GPN2: variants seen among roughly 807,000 people sequenced by gnomAD.
GPN2 encodes ATP-binding domain 1 family member B.
A neutral mutation model predicts 30.1 loss-of-function variants in GPN2; 27 were observed. The ratio of observed to expected loss-of-function variants is 0.90; its 90% CI spans 0.66 to 1.24. GPN2 has a LOEUF of 1.24. GPN2 is among the 50% of genes most tolerant of loss of function. The pLI, the probability that GPN2 is intolerant of heterozygous loss-of-function variation, is 0.00. For synonymous variants in GPN2, 212 were observed against 174.4 expected (o/e 1.22, Z -1.70); for missense variants, 406 against 405.4 (o/e 1.00, Z -0.01).
At chr1:26,884,463 A>G (rs886804433) in intron 3 of GPN2, 173 bp from the exon 4 acceptor site, 1 of 194,646 alleles carries the variant, frequency 5.1e-6, no homozygotes, top group African/African-American at 2.4e-5. Flanking sequence ...CTGACCACCA[A>G]CTCACTCAGA....
rs777339037 is a variant in GPN2, at chr1:26,884,190, G to A, written c.830C>T (p.Ala277Val). 3.4e-5 allele frequency: 55 copies of A among 1,613,732 alleles called. No homozygotes were observed. Among genetic ancestry groups the A allele is most frequent in the Non-Finnish European group, 4.5e-5 (53 of 1,179,916 alleles). ...EQRSLEAMMS[A>V]AMGADFHFSS... ...GAAATGGAAGTCGGCTCCCATTGCGGCAGACATCATGGCTTCCAAGCTTCG... is the reference window on the plus strand; with the variant it reads ...GAAATGGAAGTCGGCTCCCATTGCGACAGACATCATGGCTTCCAAGCTTCG... Residue 277 changes from alanine to valine, a missense_variant, in exon 4 of 5, where the codon GCC becomes GTC. Coordinates refer to ENST00000374135, the MANE Select transcript of GPN2 (RefSeq NM_018066.4).
rs140713115 is a variant in GPN2, at chr1:26,886,230, C to T, written c.569-97G>A. ...CTTTTTTCCTTTGTGCACTCATGCA[C>T]TCAAATATTTCTTGACACAGTAAAA... On this transcript the variant is annotated intron_variant, in intron 2 of 4. Coordinates refer to ENST00000374135, the MANE Select transcript of GPN2 (RefSeq NM_018066.4). 2.4e-4 allele frequency: 184 copies of T among 753,088 alleles called. 2 individuals are homozygous for T. Among genetic ancestry groups the T allele is most frequent in the East Asian group, 2.4e-3 (89 of 37,428 alleles). The allele number at this position is 753,088 out of a possible 1,614,324, so 46.7% of individuals were successfully genotyped here.
At chr1:26,882,560 C>T (rs1358766133) in intron 4 of GPN2, among the ~76,000 whole-genome samples, 1 of 152,162 alleles carries the variant, frequency 6.6e-6, no homozygotes, top group African/African-American at 2.4e-5. Context: ...CGAGAAACAT[C>T]AGTAAGTGTT....
At position 26,877,511 on chromosome 1, in the gene GPN2, A is replaced by G. The variant is rs928975687; in HGVS notation, c.*2166T>C. The G allele has an allele frequency of 6.6e-6, 1 of 152,264 alleles. No homozygotes were observed. The highest frequency in any genetic ancestry group is 6.5e-5 in the Admixed American group (1 of 15,280). The allele number at this position is 152,264 out of a possible 1,614,324, so 9.4% of individuals were successfully genotyped here. A position where few individuals can be genotyped will look rare whatever the true frequency, so the allele number is the denominator to read the frequency against. ...TGATTGGCTGCAAAACCTGTGGGACAAGGGCTGTGACTTCTCACCAATAAA... is the reference window on the plus strand; with the variant it reads ...TGATTGGCTGCAAAACCTGTGGGACGAGGGCTGTGACTTCTCACCAATAAA... On this transcript the variant is annotated 3_prime_UTR_variant, in exon 5 of 5. Coordinates refer to ENST00000374135, the MANE Select transcript of GPN2 (RefSeq NM_018066.4).
rs753001051 is a variant in GPN2 at position 26,889,011 on chromosome 1, G to A, written c.526C>T (p.Leu176Phe). ...MLHVELPHIN[L>F]LSKMDLIEHY... Reference sequence around the variant, plus strand: ...TCAATGAGGTCCATCTTGGAAAGGAGGTTGATGTGGGGCAGTTCCACGTGC... The same window carrying A: ...TCAATGAGGTCCATCTTGGAAAGGAAGTTGATGTGGGGCAGTTCCACGTGC... Residue 176 changes from leucine (L) to phenylalanine (F), a missense_variant, in exon 2 of 5, where the codon CTC (leucine) becomes TTC (phenylalanine). Physicochemically the swap from Leu to Phe is conservative, Grantham distance 22. Coordinates refer to ENST00000374135, the MANE Select transcript of GPN2 (RefSeq NM_018066.4). 3.1e-6 allele frequency: 5 copies of A among 1,614,230 alleles called. No homozygotes were observed. The highest frequency in any genetic ancestry group is 4.2e-6 in the Non-Finnish European group (5 of 1,180,024).
chr1:26,885,433 C>A (rs913191824), intron 3 of GPN2, among the ~76,000 whole-genome samples: 1 of 151,306 alleles, frequency 6.6e-6, no homozygotes, highest in Non-Finnish European at 1.5e-5. Flanking sequence ...GAGGACAGAA[C>A]ATGTGAAGAG....
At chr1:26,883,039 T>G (rs1314716401) in intron 4 of GPN2, among the ~76,000 whole-genome samples, 4 of 152,190 alleles carry the variant, frequency 2.6e-5, no homozygotes, top group Non-Finnish European at 5.9e-5. Flanking sequence ...CTATTCTCAC[T>G]ACAAATCTTT....
intron 2 of GPN2, among the ~76,000 whole-genome samples, chr1:26,888,332 G>A (rs1315678210): frequency 6.6e-6 from 1 of 152,160 alleles, no homozygotes; most frequent in Admixed American, 6.5e-5. Flanking sequence ...AGGACAGAAG[G>A]AGGCTGTCTA....
At position 26,876,532 on chromosome 1, in the gene GPN2, C is replaced by T. The variant is rs553202670; in HGVS notation, c.*3145G>A. On this transcript the variant is annotated 3_prime_UTR_variant, in exon 5 of 5. Coordinates refer to ENST00000374135, the MANE Select transcript of GPN2 (RefSeq NM_018066.4). ...CGTGCTCGGCCTTCTCTTTCATTTT[C>T]TAAGTTTTTTACTTTCCTATATTTA... The T allele has an allele frequency of 2.6e-5, 4 of 152,132 alleles. No individual in the cohort carries two copies. Among genetic ancestry groups the T allele is most frequent in the East Asian group, 1.9e-4 (1 of 5,190 alleles). 9.4% of individuals were successfully genotyped at this position (152,132 alleles called of 1,614,324 possible).
Position 26,890,244 on chromosome 1 carries a change from G to A in GPN2, c.-148C>T, listed in dbSNP as rs1001490205. ...CCTCAGGCGGAACAGCTGAGACCGT[G>A]TCGCGCAAAAGGAGATAACAGGCCG... is the stretch of plus-strand genomic sequence containing the variant. On this transcript the variant is annotated 5_prime_UTR_variant, in exon 1 of 5. Transcript: ENST00000374135. The A allele has an allele frequency of 2.9e-5, 20 of 693,184 alleles. No individual in the cohort carries two copies. The highest frequency in any genetic ancestry group is 3.9e-5 in the Non-Finnish European group (17 of 435,520). The allele number at this position is 693,184 out of a possible 1,614,324, so 42.9% of individuals were successfully genotyped here. A position where few individuals can be genotyped will look rare whatever the true frequency, so the allele number is the denominator to read the frequency against.
At chr1:26,882,427 C>T (rs1031251721) in intron 4 of GPN2, among the ~76,000 whole-genome samples, 2 of 152,114 alleles carry the variant, frequency 1.3e-5, no homozygotes, top group African/African-American at 2.4e-5. Context: ...AATTGGCCTA[C>T]ATTAACTGCA....
chr1:26,888,302 G>C (rs761664618), intron 2 of GPN2, among the ~76,000 whole-genome samples: 8 of 152,158 alleles, frequency 5.3e-5, no homozygotes, highest in Non-Finnish European at 8.8e-5. Context: ...TGCCAGGTGA[G>C]AATATAGCCT....
In GPN2 at chr1:26,884,184, A is replaced by T; in HGVS notation, c.836T>A (p.Met279Lys). The part of the protein sequence containing the change: ...RSLEAMMSAA[M>K]GADFHFSSTL... Reference sequence around the variant, plus strand: ...CGAAGAGAAATGGAAGTCGGCTCCCATTGCGGCAGACATCATGGCTTCCAA... The same window carrying T: ...CGAAGAGAAATGGAAGTCGGCTCCCTTTGCGGCAGACATCATGGCTTCCAA... Residue 279 changes from methionine to lysine, a missense_variant, in exon 4 of 5, where the codon ATG becomes AAG. Met to Lys is a moderately conservative substitution (Grantham distance 95). Coordinates refer to ENST00000374135, the MANE Select transcript of GPN2 (RefSeq NM_018066.4). 1.2e-6 allele frequency: 2 copies of T among 1,613,842 alleles called. No homozygotes were observed. The highest frequency in any genetic ancestry group is 3.3e-4 in the Middle Eastern group (2 of 6,010).
chr1:26,882,143 G>A (rs2081867456), intron 4 of GPN2, among the ~76,000 whole-genome samples: 1 of 151,726 alleles, frequency 6.6e-6, no homozygotes, highest in Non-Finnish European at 1.5e-5. Context: ...CTTGAACGTG[G>A]GAGATGGAGG....
In GPN2 at chr1:26,889,943, G is replaced by A. The variant is rs2081912400; in HGVS notation, c.154C>T (p.Leu52=). The A allele has an allele frequency of 6.2e-7, 1 of 1,608,402 alleles. No individual in the cohort carries two copies. Among genetic ancestry groups the A allele is most frequent in the Non-Finnish European group, 8.5e-7 (1 of 1,179,320 alleles). The part of the protein sequence containing the change: ...VVNLDPANEG[L]PYECAVDVGE... ...ACGTCCACGGCACACTCGTACGGCAGCCCCTCGTTGGCCGGGTCCAGGTTC... is the reference window on the plus strand; with the variant it reads ...ACGTCCACGGCACACTCGTACGGCAACCCCTCGTTGGCCGGGTCCAGGTTC... The change falls in exon 1 of 5, where the codon CTG becomes TTG. Residue 52 remains leucine, a synonymous_variant. Transcript: ENST00000374135.
rs1471071500 is a variant in GPN2, at chr1:26,879,656, T to A, written c.*21A>T. 1.3e-6 allele frequency: 2 copies of A among 1,585,526 alleles called. No homozygotes were observed. Among genetic ancestry groups the A allele is most frequent in the Non-Finnish European group, 1.7e-6 (2 of 1,154,366 alleles). ...CCCAGTGCTGGATTATGCATCCTGC[T>A]CTCCAGGGTCCACCTTGTTGCTACA... On this transcript the variant is annotated 3_prime_UTR_variant, in exon 5 of 5. Transcript: ENST00000374135.
At chr1:26,879,993 G>C (rs41303637) in intron 4 of GPN2, among the ~76,000 whole-genome samples, 2 of 152,174 alleles carry the variant, frequency 1.3e-5, no homozygotes, top group Non-Finnish European at 2.9e-5. Context: ...GCAATTTTGC[G>C]TTATGGCACA....
chr1:26,886,885 C>T (rs184020443), intron 2 of GPN2, among the ~76,000 whole-genome samples: 5 of 151,070 alleles, frequency 3.3e-5, no homozygotes, highest in South Asian at 2.1e-4. Flanking sequence ...CCCAGCTACA[C>T]GGGAGGCTGA....
intron 4 of GPN2, among the ~76,000 whole-genome samples, chr1:26,880,160 C>T (rs1286266287): frequency 2.0e-5 from 3 of 152,152 alleles, no homozygotes; most frequent in Non-Finnish European, 4.4e-5. Context: ...AGATTCTACA[C>T]CCACCAAAAC....
Sources: gnomAD v4.1 joint callset for allele counts (sites outside exome capture counted in the v4.1 genomes callset) on GRCh38, gnomAD v4.1.1 for gene constraint, MANE v1.5 for transcripts, NCBI Gene and HGNC (gene_info 2026-07-23, HGNC 2026-07-21) for gene names.